Variants in PLIN1 observed in about 807,000 individuals in gnomAD.
PLIN1 encodes perilipin 1.
Under a neutral mutation model 45.8 loss-of-function variants are expected in PLIN1, and 37 were observed. The ratio of observed to expected loss-of-function variants is 0.81; its 90% CI spans 0.62 to 1.06. The LOEUF is 1.06. Among genes scored for constraint, PLIN1 ranks in the 50% least tolerant of loss-of-function variants. The probability of loss-of-function intolerance (pLI) is 0.00; values close to 1 mark genes in which losing one functional copy is unlikely to be tolerated. For synonymous variants in PLIN1, 340 were observed against 309.2 expected (o/e 1.10, Z -1.05); for missense variants, 776 against 716.5 (o/e 1.08, Z -0.95).
rs759267928 is a variant in PLIN1, at chr15:89,670,218, G to A, written c.360C>T (p.Ile120=). Residue 120 remains isoleucine (I), a synonymous_variant, in exon 5 of 9, where the codon ATC becomes ATT. Coordinates refer to ENST00000300055, the MANE Select transcript of PLIN1 (RefSeq NM_002666.5). Reference sequence around the variant, plus strand: ...TTCTGGCACTGCGGAGGCGGGTGGAGATGGTGTCCTTCAGCTCAGAAGCAA... The same window carrying A: ...TTCTGGCACTGCGGAGGCGGGTGGAAATGGTGTCCTTCAGCTCAGAAGCAA... ...EKIASELKDT[I]STRLRSARNS... is the part of the protein sequence containing the mutation. 1 of 1,613,402 alleles carries A rather than the reference G, an allele frequency of 6.2e-7. No homozygotes were observed. Among genetic ancestry groups the A allele is most frequent in the Admixed American group, 1.7e-5 (1 of 59,966 alleles).
intron 2 of PLIN1, among the ~76,000 whole-genome samples, chr15:89,674,353 C>T (rs1040339659): frequency 7.2e-5 from 11 of 152,178 alleles, no homozygotes; most frequent in African/African-American, 2.4e-4. Flanking sequence ...AACTCGTGGG[C>T]TCAAACAGTC....
At chr15:89,677,606 G>A in intron 1 of PLIN1, 103 bp from the exon 2 acceptor site, 1 of 950,580 alleles carries the variant, frequency 1.1e-6, no homozygotes, top group Non-Finnish European at 1.7e-6. Flanking sequence ...AGGCTGCCTG[G>A]GGGCCCATTT....
intron 1 of PLIN1, 55 bp from the exon 2 acceptor site, chr15:89,677,558 G>T: frequency 6.9e-7 from 1 of 1,458,090 alleles, no homozygotes; most frequent in Non-Finnish European, 9.6e-7. Flanking sequence ...AGCTCCACTG[G>T]GTCACTTCCC....
chr15:89,673,233 AC>A lies in PLIN1; in HGVS notation c.226del (p.Val76TrpfsTer41). 1 of 1,571,894 alleles carries A rather than the reference AC, an allele frequency of 6.4e-7. No individual in the cohort carries two copies. The highest frequency in any genetic ancestry group is 8.6e-7 in the Non-Finnish European group (1 of 1,157,480). The stretch of plus-strand genomic sequence containing the variant: ...ACACTGGGTGGACAGCCTGCGGACC[AC>A]CGGCTCCATGCTCCAGGCAGCCAAG... ...SSLAAWSMEP[V>X]VRRLSTQFTA... On this transcript the variant is annotated frameshift_variant, in exon 3 of 9. Coordinates refer to ENST00000300055, the MANE Select transcript of PLIN1 (RefSeq NM_002666.5). LOFTEE classifies it high-confidence loss of function.
rs950615478 is a variant in PLIN1 at position 89,664,845 on chromosome 15, A to G, written c.*738T>C. ...TGAACTGTGGCTATACATAAAGTCT[A>G]TATATCATCACCATTTTGGTTCCCC... On this transcript the variant is annotated 3_prime_UTR_variant, in exon 9 of 9. Transcript: ENST00000300055. 1.3e-5 allele frequency: 6 copies of G among 456,088 alleles called. No homozygotes were observed. The highest frequency in any genetic ancestry group is 8.0e-5 in the African/African-American group (4 of 50,198). The allele number at this position is 456,088 out of a possible 1,614,324, so 28.3% of individuals were successfully genotyped here.
chr15:89,667,756 T>G lies in PLIN1; in HGVS notation c.809A>C (p.Gln270Pro). 6.4e-7 allele frequency: 1 copy of G among 1,564,166 alleles called. No individual in the cohort carries two copies. Residue 270 changes from glutamine (Q) to proline (P), a missense_variant, in exon 7 of 9, where the codon CAG becomes CCG. Coordinates refer to ENST00000300055, the MANE Select transcript of PLIN1 (RefSeq NM_002666.5). ...TTCGCTCCTCCGCCGGGACACCGCCTGCATGGCCACTGAGGCACCCCACTG... is the reference window on the plus strand; with the variant it reads ...TTCGCTCCTCCGCCGGGACACCGCCGGCATGGCCACTGAGGCACCCCACTG... The part of the protein sequence containing the change: ...LAQWGASVAM[Q>P]AVSRRRSEVR...
chr15:89,674,519 G>A (rs981542251), intron 2 of PLIN1, among the ~76,000 whole-genome samples: 2 of 152,032 alleles, frequency 1.3e-5, no homozygotes, highest in Non-Finnish European at 2.9e-5. Flanking sequence ...GAGATTATAG[G>A]CCTAAGCCAT....
At chr15:89,677,792 C>A in intron 1 of PLIN1, 1 of 384,366 alleles carries the variant, frequency 2.6e-6, no homozygotes, top group African/African-American at 2.1e-5. Context: ...GCTCTGTTGC[C>A]CAGGCTGGAG....
At chr15:89,666,791 C>T in intron 8 of PLIN1, 145 bp downstream of exon 8, 2 of 877,808 alleles carry the variant, frequency 2.3e-6, no homozygotes, top group Non-Finnish European at 3.6e-6. Flanking sequence ...AAAATGTTGC[C>T]AGGGCACTGA....
Position 89,669,658 on chromosome 15 carries a change from G to T in PLIN1, c.613C>A (p.His205Asn). 6.2e-7 allele frequency: 1 copy of T among 1,614,020 alleles called. No homozygotes were observed. Residue 205 changes from histidine to asparagine, a missense_variant, in exon 6 of 9, where the codon CAC (histidine) becomes AAC (asparagine). His to Asn is a moderately conservative substitution (Grantham distance 68). Transcript: ENST00000300055. ...TTGGGAGACTTCTGGGCTTGCTGGT[G>T]TCCAGGAGCAGGGGCTGGGTAGGGA... is the stretch of plus-strand genomic sequence containing the variant. ...DKEESAPAPG[H>N]QQAQKSPKAK...
chr15:89,674,400 G>A (rs1964485821), intron 2 of PLIN1, among the ~76,000 whole-genome samples: 1 of 152,164 alleles, frequency 6.6e-6, no homozygotes, highest in African/African-American at 2.4e-5. Context: ...GGGACTACAG[G>A]CCTGTGACAC....
intron 3 of PLIN1, 82 bp from the exon 4 acceptor site, chr15:89,671,646 C>T: frequency 9.5e-7 from 1 of 1,047,886 alleles, no homozygotes; most frequent in Non-Finnish European, 1.5e-6. Flanking sequence ...AAGGAAGTGA[C>T]TTGGAGCCCT....
In PLIN1 at chr15:89,673,244, G is replaced by T; in HGVS notation, c.216C>A (p.Ser72Arg). The change falls in exon 3 of 9, where the codon AGC (serine) becomes AGA (arginine). Residue 72 changes from serine (S) to arginine (R), a missense_variant. Coordinates refer to ENST00000300055, the MANE Select transcript of PLIN1 (RefSeq NM_002666.5). ...VQSASSLAAW[S>R]MEPVVRRLST... ...ACAGCCTGCGGACCACCGGCTCCAT[G>T]CTCCAGGCAGCCAAGCTACTGGCGC... 1 of 1,577,046 alleles carries T rather than the reference G, an allele frequency of 6.3e-7. No homozygotes were observed. Among genetic ancestry groups the T allele is most frequent in the Non-Finnish European group, 8.6e-7 (1 of 1,160,122 alleles).
intron 3 of PLIN1, 63 bp downstream of exon 3, chr15:89,673,127 TCAGACAGACTGAGAGGCGGA>T (rs1964463010): frequency 9.5e-7 from 1 of 1,049,366 alleles, no homozygotes; most frequent in Admixed American, 2.0e-5. Context: ...TATCAGACAG[TCAGACAGACTGAGAGGCGGA>T]CAGACAGACT....
chr15:89,673,801 C>T (rs1490197719), intron 2 of PLIN1, among the ~76,000 whole-genome samples: 1 of 151,954 alleles, frequency 6.6e-6, no homozygotes, highest in Admixed American at 6.6e-5. Flanking sequence ...CTTCTCCAAA[C>T]ATTTTTCTGG....
chr15:89,669,879 T>G, intron 5 of PLIN1, 101 bp downstream of exon 5: 1 of 1,268,110 alleles, frequency 7.9e-7, no homozygotes, highest in South Asian at 1.3e-5. Context: ...CCACTGGCCT[T>G]CCCTATTCCA....
At chr15:89,674,879 C>G (rs1026025668) in intron 2 of PLIN1, among the ~76,000 whole-genome samples, 1 of 152,006 alleles carries the variant, frequency 6.6e-6, no homozygotes, top group Admixed American at 6.5e-5. Flanking sequence ...ATACTACCCT[C>G]GCTTGAGCCC....
In PLIN1 at chr15:89,673,290, G is replaced by A; in HGVS notation, c.170C>T (p.Ala57Val). ...GGCGCTCTGCACGCCCTTCTCATAG[G>A]CATTGCACACAGAGGCCACCAGGGG... is the stretch of plus-strand genomic sequence containing the variant. ...AHPLVASVCN[A>V]YEKGVQSASS... The change falls in exon 3 of 9, where the codon GCC becomes GTC. Residue 57 changes from alanine to valine, a missense_variant. Transcript: ENST00000300055. 6.3e-7 allele frequency: 1 copy of A among 1,585,694 alleles called. No individual in the cohort carries two copies. The highest frequency in any genetic ancestry group is 8.6e-7 in the Non-Finnish European group (1 of 1,164,816).
Position 89,666,918 on chromosome 15 carries a change from G to A in PLIN1, c.1209+18C>T, listed in dbSNP as rs565394019. 43 of 1,613,582 alleles carry A rather than the reference G, an allele frequency of 2.7e-5. No individual in the cohort carries two copies. The highest frequency in any genetic ancestry group is 1.7e-4 in the Middle Eastern group (1 of 6,054). ...GGCCCCCTTGGGACACTAACAGTTT[G>A]CCAGGGGTGGTACTCACCGGCACGT... is the stretch of plus-strand genomic sequence containing the variant. On this transcript the variant is annotated intron_variant, in intron 8 of 8. Transcript: ENST00000300055.
Sources: allele counts gnomAD v4.1 joint callset (sites outside exome capture counted in the v4.1 genomes callset), GRCh38; gene constraint gnomAD v4.1.1; transcripts MANE v1.5; gene names NCBI Gene and HGNC (gene_info 2026-07-23, HGNC 2026-07-21).